KLHL1: variants seen among roughly 807,000 people sequenced by gnomAD.
The protein encoded by KLHL1 is kelch like family member 1, also known as kelch-like protein 1.
Under a neutral mutation model 77.7 loss-of-function variants are expected in KLHL1, and 47 were observed. The observed-to-expected ratio is 0.60, with a 90% CI of 0.48 to 0.77. The LOEUF (loss-of-function observed/expected upper bound fraction) is 0.77, where lower values mean the gene tolerates loss of function less well. KLHL1 is among the 30% of genes least tolerant of loss of function. The probability of loss-of-function intolerance (pLI) is 0.00; values close to 1 mark genes in which losing one functional copy is unlikely to be tolerated. For missense variants in KLHL1, 925 were observed against 910.8 expected (o/e 1.02, Z -0.20); for synonymous variants, 360 against 325.2 (o/e 1.11, Z -1.15).
intron 5 of KLHL1, among the ~76,000 whole-genome samples, chr13:69,857,362 T>C (rs1180538800): frequency 6.6e-6 from 1 of 152,032 alleles, no homozygotes; most frequent in African/African-American, 2.4e-5. Context: ...TCTACCTACT[T>C]GCCTCAAATT....
At chr13:69,877,387 T>C (rs1174988601) in intron 5 of KLHL1, among the ~76,000 whole-genome samples, 2 of 152,104 alleles carry the variant, frequency 1.3e-5, no homozygotes, top group African/African-American at 4.8e-5. Flanking sequence ...TATAGCAACA[T>C]GGTACTTTGT....
At chr13:69,831,112 T>C (rs527783754) in intron 6 of KLHL1, among the ~76,000 whole-genome samples, 5 of 148,120 alleles carry the variant, frequency 3.4e-5, no homozygotes, top group East Asian at 3.9e-4. Context: ...AGAGCAGAAC[T>C]AAATAAAATT....
chr13:69,949,370 T>C (rs1883632406), intron 3 of KLHL1, among the ~76,000 whole-genome samples: 1 of 151,804 alleles, frequency 6.6e-6, no homozygotes, highest in African/African-American at 2.4e-5. Flanking sequence ...ATTTAATATT[T>C]CATAAAATGT....
intron 1 of KLHL1, among the ~76,000 whole-genome samples, chr13:70,083,417 A>T (rs7329324): frequency 0.03 from 4,604 of 152,172 alleles, 173 homozygotes; most frequent in African/African-American, 0.089. Context: ...CAATCCTCCC[A>T]CCTTAGCTGA....
intron 7 of KLHL1, among the ~76,000 whole-genome samples, chr13:69,784,725 C>CAAT (rs1876419292): frequency 6.6e-6 from 1 of 151,480 alleles, no homozygotes; most frequent in Non-Finnish European, 1.5e-5. Context: ...GACTCCCACA[C>CAAT]AATAATAATG....
chr13:69,896,033 T>C (rs1229780733), intron 4 of KLHL1, among the ~76,000 whole-genome samples: 2 of 152,018 alleles, frequency 1.3e-5, no homozygotes, highest in Non-Finnish European at 2.9e-5. Flanking sequence ...TCAAGCTCAT[T>C]CACATTGCTG....
rs376673706 is a variant in KLHL1 at position 70,078,654 on chromosome 13, T to C, written c.497+28549A>G. Among the ~76,000 whole-genome samples, 4 of 152,112 alleles carry C rather than the reference T, an allele frequency of 2.6e-5. No homozygotes were observed. In the South Asian group the frequency reaches 6.2e-4, roughly 24 times the overall value. On this transcript the variant is annotated intron_variant, in intron 1 of 10. Transcript: ENST00000377844. ...CTTAGCCTCTTTGCCTTCAAATCTA[T>C]AAAAGAAGAATGTAGGTCCAGCTGA...
chr13:70,024,457 A>C (rs1286585340), intron 1 of KLHL1, among the ~76,000 whole-genome samples: 1 of 151,662 alleles, frequency 6.6e-6, no homozygotes, highest in Non-Finnish European at 1.5e-5. Context: ...GAGTGCTGTT[A>C]TTTTTTTCTT....
chr13:69,867,572 C>T (rs2138166220), intron 5 of KLHL1, among the ~76,000 whole-genome samples: 1 of 151,842 alleles, frequency 6.6e-6, no homozygotes, highest in African/African-American at 2.4e-5. Context: ...AAATGTTCTT[C>T]AGAAAACATA....
intron 7 of KLHL1, among the ~76,000 whole-genome samples, chr13:69,794,118 G>A (rs1166299733): frequency 6.6e-6 from 1 of 152,114 alleles, no homozygotes; most frequent in African/African-American, 2.4e-5. Context: ...CCAGCTCTAA[G>A]GTTAAGGCAT....
intron 4 of KLHL1, among the ~76,000 whole-genome samples, chr13:69,936,238 A>G (rs549530668): frequency 2.0e-5 from 3 of 152,246 alleles, no homozygotes; most frequent in Admixed American, 6.5e-5. Context: ...TGCATCTAAC[A>G]TTGAGGAAAA....
intron 3 of KLHL1, among the ~76,000 whole-genome samples, chr13:69,951,601 T>A (rs1272947311): frequency 6.6e-6 from 1 of 151,526 alleles, no homozygotes; most frequent in East Asian, 1.9e-4. Flanking sequence ...TCCTACCCTC[T>A]GTGAGGCCAC....
intron 8 of KLHL1, among the ~76,000 whole-genome samples, chr13:69,739,961 G>A (rs1337044077): frequency 1.3e-5 from 2 of 152,130 alleles, no homozygotes; most frequent in Admixed American, 1.3e-4. Flanking sequence ...AAATGCACAG[G>A]ACAGAAGACT....
chr13:70,006,390 G>A (rs1018609869), intron 1 of KLHL1, among the ~76,000 whole-genome samples: 3 of 151,386 alleles, frequency 2.0e-5, no homozygotes, highest in Non-Finnish European at 4.4e-5. Context: ...GAGGATTTTT[G>A]TATCTTTATT....
At chr13:69,826,798 T>G (rs1409616751) in intron 6 of KLHL1, among the ~76,000 whole-genome samples, 3 of 152,094 alleles carry the variant, frequency 2.0e-5, no homozygotes, top group Non-Finnish European at 4.4e-5. Context: ...ATGTGTTCTT[T>G]TAAGAGAATA....
chr13:69,957,248 T>C (rs1301582456), intron 3 of KLHL1, among the ~76,000 whole-genome samples: 1 of 151,696 alleles, frequency 6.6e-6, no homozygotes, highest in Non-Finnish European at 1.5e-5. Context: ...TGCCAACAAG[T>C]AGATAGTGAT....
In KLHL1 at chr13:69,819,109, A is replaced by G. The variant is rs150356907; in HGVS notation, c.1414+19867T>C. Reference sequence around the variant, plus strand: ...AGGCTGTTCTTTAAAAGATCCTGATAGTGTAGCTTGTCCAGTTCAAGCCAA... The same window carrying G: ...AGGCTGTTCTTTAAAAGATCCTGATGGTGTAGCTTGTCCAGTTCAAGCCAA... On this transcript the variant is annotated intron_variant, in intron 6 of 10. Transcript: ENST00000377844. Among the ~76,000 whole-genome samples, 415 of 152,298 alleles carry G rather than the reference A, an allele frequency of 2.7e-3. 2 individuals carry two copies. The highest frequency in any genetic ancestry group is 4.5e-3 in the Non-Finnish European group (303 of 68,014).
At chr13:69,826,310 T>C (rs1463744324) in intron 6 of KLHL1, among the ~76,000 whole-genome samples, 3 of 152,162 alleles carry the variant, frequency 2.0e-5, no homozygotes, top group Admixed American at 6.5e-5. Flanking sequence ...TATTTGAAAA[T>C]TGGTGAGATC....
At chr13:69,878,723 G>T (rs1465654331) in intron 5 of KLHL1, among the ~76,000 whole-genome samples, 2 of 151,972 alleles carry the variant, frequency 1.3e-5, no homozygotes, top group South Asian at 2.1e-4. Flanking sequence ...GAGAGAGAGA[G>T]AGAGAGAGAG....
Sources: gnomAD v4.1 joint callset for allele counts (sites outside exome capture counted in the v4.1 genomes callset) on GRCh38, gnomAD v4.1.1 for gene constraint, MANE v1.5 for transcripts, NCBI Gene and HGNC (gene_info 2026-07-23, HGNC 2026-07-21) for gene names.